The following DAO variants were observed in gnomAD, a reference collection of about 807,000 sequenced individuals.
DAO encodes D-amino-acid oxidase.
Under a neutral mutation model 50.1 loss-of-function variants are expected in DAO, and 51 were observed. The ratio of observed to expected loss-of-function variants is 1.02; its 90% CI spans 0.81 to 1.29. The LOEUF (loss-of-function observed/expected upper bound fraction) is 1.29, where lower values mean the gene tolerates loss of function less well. Ranked by LOEUF, DAO falls within the 50% of genes most tolerant of loss-of-function variation. The pLI is 0.00. For synonymous variants in DAO, 160 were observed against 166.2 expected (o/e 0.96, Z 0.29); for missense variants, 436 against 439.4 (o/e 0.99, Z 0.07).
At chr12:108,896,444 T>TAAAAAAAAAAAAAAAAG (rs2039558339) in intron 7 of DAO, among the ~76,000 whole-genome samples, 2 of 119,714 alleles carry the variant, frequency 1.7e-5, no homozygotes, top group Admixed American at 9.1e-5. Context: ...AAAAAAAAAT[T>TAAAAAAAAAAAAAAAAG]GAAGGTTTGA....
Position 108,897,052 on chromosome 12 carries a change from A to G in DAO, c.659A>G (p.Glu220Gly). ...MKHFILTHDP[E>G]RGIYNSPYII... ...CACTTCATTCTCACCCATGACCCAG[A>G]GAGAGGCATCTACAATTCCCCGTAC... Residue 220 changes from glutamate to glycine, a missense_variant, in exon 8 of 11, where the codon GAG becomes GGG. Transcript: ENST00000228476. 6.2e-7 allele frequency: 1 copy of G among 1,614,052 alleles called. No individual in the cohort carries two copies. The highest frequency in any genetic ancestry group is 2.2e-5 in the East Asian group (1 of 44,874).
chr12:108,895,686 G>T (rs1291762571), intron 7 of DAO, among the ~76,000 whole-genome samples: 1 of 148,358 alleles, frequency 6.7e-6, no homozygotes, highest in African/African-American at 2.5e-5. Context: ...ATGTAAGGGT[G>T]TGTGTGCATG....
At chr12:108,883,745 C>T (rs1282333707) in intron 1 of DAO, 3 of 413,498 alleles carry the variant, frequency 7.3e-6, no homozygotes, top group Admixed American at 2.8e-5. Context: ...AGCTCGGGCT[C>T]GAAGCTGGAA....
intron 2 of DAO, among the ~76,000 whole-genome samples, chr12:108,885,616 A>G (rs1326289345): frequency 6.6e-6 from 1 of 152,160 alleles, no homozygotes; most frequent in East Asian, 1.9e-4. Context: ...AGAAAAAAAT[A>G]AAGAAAAGAT....
At chr12:108,898,348 A>G (rs2039584219) in intron 8 of DAO, 4 of 370,354 alleles carry the variant, frequency 1.1e-5, no homozygotes, top group African/African-American at 8.4e-5. Flanking sequence ...ACATGGTTGC[A>G]CCAACCATGT....
At position 108,899,445 on chromosome 12, in the gene DAO, A is replaced by T; in HGVS notation, c.882A>T (p.Glu294Asp). The T allele has an allele frequency of 6.2e-7, 1 of 1,613,806 alleles. No individual in the cohort carries two copies. Among genetic ancestry groups the T allele is most frequent in the Non-Finnish European group, 8.5e-7 (1 of 1,179,900 alleles). The change falls in exon 10 of 11, where the codon GAA becomes GAT. Residue 294 changes from glutamate to aspartate, a missense_variant. Coordinates refer to ENST00000228476, the MANE Select transcript of DAO (RefSeq NM_001917.5). Reference sequence around the variant, plus strand: ...GCCCCCAGATTCGGCTAGAAAGAGAACAGCTTCGCACTGGACCTTCAAACA... The same window carrying T: ...GCCCCCAGATTCGGCTAGAAAGAGATCAGCTTCGCACTGGACCTTCAAACA... Reference protein sequence around the residue: ...PVRPQIRLEREQLRTGPSNTE... With the variant: ...PVRPQIRLERDQLRTGPSNTE...
chr12:108,893,156 AC>A, intron 6 of DAO, 120 bp downstream of exon 6: 3 of 844,958 alleles, frequency 3.6e-6, no homozygotes, highest in Non-Finnish European at 5.9e-6. Context: ...CCTGCCTCAG[AC>A]CCTTGCCCCA....
intron 1 of DAO, among the ~76,000 whole-genome samples, chr12:108,882,576 G>T (rs1388618806): frequency 6.6e-6 from 1 of 152,124 alleles, no homozygotes; most frequent in Admixed American, 6.6e-5. Context: ...ACTCATCCTG[G>T]TTTGCCTGGG....
At chr12:108,885,567 G>A (rs769219099) in intron 2 of DAO, among the ~76,000 whole-genome samples, 67 of 151,968 alleles carry the variant, frequency 4.4e-4, no homozygotes, top group Non-Finnish European at 7.8e-4. Context: ...CTGAGATTCC[G>A]CCACTGCACT....
chr12:108,896,940 A>T (rs2039566666), intron 7 of DAO, 66 bp from the exon 8 acceptor site: 1 of 1,206,146 alleles, frequency 8.3e-7, no homozygotes, highest in South Asian at 1.2e-5. Context: ...CTGGCCACAG[A>T]GGGGAGCAAG....
intron 10 of DAO, 24 bp from the exon 11 acceptor site, chr12:108,900,380 C>A (rs866687761): frequency 6.2e-6 from 10 of 1,613,392 alleles, no homozygotes; most frequent in Middle Eastern, 1.7e-4. Context: ...CGGACCTGGC[C>A]ACCTTCTCTC....
chr12:108,898,747 A>C lies in DAO; in HGVS notation c.764A>C (p.Asp255Ala), dbSNP rs762956163. 6.2e-7 allele frequency: 1 copy of C among 1,614,110 alleles called. No homozygotes were observed. The highest frequency in any genetic ancestry group is 8.5e-7 in the Non-Finnish European group (1 of 1,180,002). The change falls in exon 9 of 11, where the codon GAC (aspartate) becomes GCC (alanine). Residue 255 changes from aspartate to alanine, a missense_variant. Transcript: ENST00000228476. The stretch of plus-strand genomic sequence containing the variant: ...TGGAGTGAACTAAACAATATCCAGG[A>C]CCACAACACCATTTGGGAAGGCTGC... ...GNWSELNNIQ[D>A]HNTIWEGCCR...
intron 5 of DAO, among the ~76,000 whole-genome samples, chr12:108,890,864 G>C (rs910272570): frequency 6.6e-6 from 1 of 152,148 alleles, no homozygotes; most frequent in Non-Finnish European, 1.5e-5. Flanking sequence ...TGTCACCCAG[G>C]CTGGAGTGCA....
chr12:108,889,746 A>G (rs1349816344), intron 4 of DAO, among the ~76,000 whole-genome samples: 2 of 152,122 alleles, frequency 1.3e-5, no homozygotes, highest in Admixed American at 1.3e-4. Flanking sequence ...GGGGTATGAA[A>G]TCACAGATCT....
At position 108,887,511 on chromosome 12, in the gene DAO, A is replaced by T; in HGVS notation, c.256A>T (p.Asn86Tyr). Reference sequence around the variant, plus strand: ...CCATGTCCATTCTCCCAACGCTGAAAACCTGGGCCTGTTCCTAATCTCGGG... The same window carrying T: ...CCATGTCCATTCTCCCAACGCTGAATACCTGGGCCTGTTCCTAATCTCGGG... ...LSHVHSPNAE[N>Y]LGLFLISGYN... Residue 86 changes from asparagine to tyrosine, a missense_variant, in exon 3 of 11, where the codon AAC becomes TAC. Physicochemically the swap from Asn to Tyr is moderately radical, Grantham distance 143. Coordinates refer to ENST00000228476, the MANE Select transcript of DAO (RefSeq NM_001917.5). 2 of 1,614,056 alleles carry T rather than the reference A, an allele frequency of 1.2e-6. No homozygotes were observed. Among genetic ancestry groups the T allele is most frequent in the Non-Finnish European group, 1.7e-6 (2 of 1,180,008 alleles).
At chr12:108,880,741 A>C (rs1566032762) in intron 1 of DAO, among the ~76,000 whole-genome samples, 1 of 151,830 alleles carries the variant, frequency 6.6e-6, no homozygotes. Context: ...GAAGTCTTTC[A>C]TATTCTTTGC....
intron 5 of DAO, among the ~76,000 whole-genome samples, chr12:108,891,890 A>G (rs1158746640): frequency 3.3e-5 from 5 of 151,720 alleles, no homozygotes; most frequent in Non-Finnish European, 1.5e-5. Flanking sequence ...GTGAGCAAAC[A>G]GGCCTAGCAA....
rs772239993 is a variant in DAO, at chr12:108,892,969, T to C, written c.453-13T>C. On this transcript the variant is annotated splice_polypyrimidine_tract_variant and intron_variant, in intron 5 of 10. Coordinates refer to ENST00000228476, the MANE Select transcript of DAO (RefSeq NM_001917.5). The stretch of plus-strand genomic sequence containing the variant: ...CTGAATACTGGGCTTTTTGATGTGT[T>C]TGATCATCCCAGGTTAACTGAGAGG... The C allele has an allele frequency of 1.2e-6, 2 of 1,613,848 alleles. No individual in the cohort carries two copies. The highest frequency in any genetic ancestry group is 3.3e-5 in the Admixed American group (2 of 60,022).
At chr12:108,882,558 A>T (rs996997389) in intron 1 of DAO, among the ~76,000 whole-genome samples, 1 of 152,074 alleles carries the variant, frequency 6.6e-6, no homozygotes, top group Non-Finnish European at 1.5e-5. Flanking sequence ...TTCGATTAGG[A>T]TTAACCAACT....
Sources: gnomAD v4.1 joint callset for allele counts (sites outside exome capture counted in the v4.1 genomes callset) on GRCh38, gnomAD v4.1.1 for gene constraint, MANE v1.5 for transcripts, NCBI Gene and HGNC (gene_info 2026-07-23, HGNC 2026-07-21) for gene names.